The following AJAP1 variants were observed in gnomAD, a reference collection of about 807,000 sequenced individuals.
The protein encoded by AJAP1 is adherens junctions associated protein 1.
A neutral mutation model predicts 35.0 loss-of-function variants in AJAP1; 5 were observed. The ratio of observed to expected loss-of-function variants is 0.14; its 90% CI spans 0.07 to 0.30. AJAP1 has a LOEUF of 0.30. Among genes scored for constraint, AJAP1 ranks in the 10% least tolerant of loss-of-function variants. The pLI is 1.00. For missense variants in AJAP1, 586 were observed against 571.0 expected, an observed-to-expected ratio of 1.03 and a Z score of -0.27; for synonymous variants, 284 against 249.3, an observed-to-expected ratio of 1.14 and a Z score of -1.31.
intron 1 of AJAP1, among the ~76,000 whole-genome samples, chr1:4,669,452 A>G (rs1451701590): frequency 6.6e-6 from 1 of 152,222 alleles, no homozygotes; most frequent in Non-Finnish European, 1.5e-5. Context: ...GCACCTTCAC[A>G]GGGCGGCAGG....
chr1:4,748,856 A>G (rs1300166971), intron 2 of AJAP1, among the ~76,000 whole-genome samples: 1 of 152,122 alleles, frequency 6.6e-6, no homozygotes, highest in African/African-American at 2.4e-5. Flanking sequence ...AGGATGCAGC[A>G]AAAGGCACCA....
chr1:4,722,299 G>A (rs1640536131), intron 2 of AJAP1, among the ~76,000 whole-genome samples: 2 of 152,232 alleles, frequency 1.3e-5, no homozygotes, highest in Non-Finnish European at 1.5e-5. Context: ...CGCGGGGCAG[G>A]TGCAAGTTCA....
chr1:4,696,879 CTG>C (rs1383111753), intron 1 of AJAP1, among the ~76,000 whole-genome samples: 26 of 151,430 alleles, frequency 1.7e-4, no homozygotes, highest in Admixed American at 1.4e-3. Flanking sequence ...GTGTATGCAC[CTG>C]TGTTCCATGT....
In AJAP1 at chr1:4,666,343, A is replaced by G. The variant is rs1163593766; in HGVS notation, c.29+10889A>G. Among the ~76,000 whole-genome samples, 8 of 151,894 alleles carry G rather than the reference A, an allele frequency of 5.3e-5. No individual in the cohort carries two copies. The East Asian group carries it at 1.4e-3, about 26-fold the overall frequency. On this transcript the variant is annotated intron_variant, in intron 1 of 5. Coordinates refer to ENST00000378191, the MANE Select transcript of AJAP1 (RefSeq NM_018836.4). ...AGAGGAAGGTGTATGTTGCGGGGGG[A>G]ATGCTTGGAGGAGACTGGAAAGGCC...
At chr1:4,670,649 A>T (rs1436953456) in intron 1 of AJAP1, among the ~76,000 whole-genome samples, 3 of 151,806 alleles carry the variant, frequency 2.0e-5, no homozygotes, top group Non-Finnish European at 4.4e-5. Flanking sequence ...TGGTTTCCCC[A>T]CTCCAGTGCC....
At chr1:4,716,705 TAGAG>T (rs1015592285) in intron 2 of AJAP1, among the ~76,000 whole-genome samples, 12 of 151,228 alleles carry the variant, frequency 7.9e-5, no homozygotes, top group East Asian at 7.8e-4. Context: ...ATGGTGGTGA[TAGAG>T]AGATGATGAT....
intron 2 of AJAP1, among the ~76,000 whole-genome samples, chr1:4,738,295 A>C (rs1248021784): frequency 4.6e-5 from 7 of 152,216 alleles, no homozygotes; most frequent in African/African-American, 9.6e-5. Flanking sequence ...TCACTCAAAT[A>C]AATGCGTAAT....
chr1:4,714,783 C>T (rs577583600), intron 2 of AJAP1, among the ~76,000 whole-genome samples: 12 of 152,178 alleles, frequency 7.9e-5, no homozygotes, highest in African/African-American at 2.2e-4. Flanking sequence ...TTTACAGCAG[C>T]GCTCATCAGG....
intron 1 of AJAP1, among the ~76,000 whole-genome samples, chr1:4,677,658 GAA>G (rs1639391986): frequency 6.6e-6 from 1 of 152,002 alleles, no homozygotes; most frequent in African/African-American, 2.4e-5. Flanking sequence ...GTGTGCAGGA[GAA>G]ACTCTTAAAA....
Position 4,774,474 on chromosome 1 carries a change from A to T in AJAP1, c.1211A>T (p.Glu404Val). 1 of 1,614,116 alleles carries T rather than the reference A, an allele frequency of 6.2e-7. No homozygotes were observed. Among genetic ancestry groups the T allele is most frequent in the Non-Finnish European group, 8.5e-7 (1 of 1,180,014 alleles). ...RHLIPVAFVS[E>V]KWFEISC ...CTTATTCCTGTGGCCTTCGTGTCTG[A>T]GAAATGGTTTGAAATCTCCTGCTGA... The change falls in exon 5 of 6, where the codon GAG (glutamate) becomes GTG (valine). Residue 404 changes from glutamate to valine, a missense_variant. Transcript: ENST00000378191.
In AJAP1 at chr1:4,693,267, A is replaced by G. The variant is rs1639784572; in HGVS notation, c.30-18633A>G. ...GACACCAGGCCACTCAACTGAGGGG[A>G]GAAGCAGCCCGTGGTCAGGGGACGT... On this transcript the variant is annotated intron_variant, in intron 1 of 5. Coordinates refer to ENST00000378191, the MANE Select transcript of AJAP1 (RefSeq NM_018836.4). This position sits in a 1 kb window ranked among gnomAD's most constrained non-coding sequence, Gnocchi z 4.4. Among the ~76,000 whole-genome samples, 1 of 151,790 alleles carries G rather than the reference A, an allele frequency of 6.6e-6. No homozygotes were observed.
In AJAP1 at chr1:4,745,718, G is replaced by A. The variant is rs548292602; in HGVS notation, c.830-24135G>A. Among the ~76,000 whole-genome samples, 11 of 152,320 alleles carry A rather than the reference G, an allele frequency of 7.2e-5. No homozygotes were observed. The East Asian group carries it at 1.9e-3, about 27-fold the overall frequency. ...TGCATTTGGCTTTGAGTCAGAGTCA[G>A]CAGGTCACGTGGGGATGGTGGGTGG... On this transcript the variant is annotated intron_variant, in intron 2 of 5. Transcript: ENST00000378191.
intron 1 of AJAP1, among the ~76,000 whole-genome samples, chr1:4,707,162 C>T (rs749514049): frequency 4.6e-5 from 7 of 152,100 alleles, no homozygotes; most frequent in Non-Finnish European, 7.4e-5. Flanking sequence ...CTCTGGGGGC[C>T]GCTCTGCCTT....
intron 1 of AJAP1, among the ~76,000 whole-genome samples, chr1:4,677,647 G>A (rs1570101315): frequency 6.6e-6 from 1 of 152,070 alleles, no homozygotes; most frequent in East Asian, 1.9e-4. Flanking sequence ...ATAAAGCCAG[G>A]GTGTGCAGGA....
chr1:4,790,393 A>G lies in AJAP1; in HGVS notation c.*7908A>G, dbSNP rs1425428416. ...AGCCAGTCAACATGAATGGGACCCT[A>G]GAAACTGTGAGGAGCAGGATTCTCT... On this transcript the variant is annotated 3_prime_UTR_variant, in exon 6 of 6. Transcript: ENST00000378191. 6.6e-6 allele frequency: 1 copy of G among 152,192 alleles called. No homozygotes were observed. The highest frequency in any genetic ancestry group is 2.4e-5 in the African/African-American group (1 of 41,446). 9.4% of individuals were successfully genotyped at this position (152,192 alleles called of 1,614,324 possible).
rs1170418869 is a variant in AJAP1 at position 4,790,822 on chromosome 1, TCAAA to T, written c.*8340_*8343del. On this transcript the variant is annotated 3_prime_UTR_variant, in exon 6 of 6. Transcript: ENST00000378191. ...AAAGTCCACATCAGTTTCTGCTCCTTCAAACAGTGTGTCGATATGAAACATTGAG... is the reference window on the plus strand; with the variant it reads ...AAAGTCCACATCAGTTTCTGCTCCTTCAGTGTGTCGATATGAAACATTGAG... 3.9e-5 allele frequency: 6 copies of T among 152,340 alleles called. No individual in the cohort carries two copies. In the East Asian group the frequency reaches 9.7e-4, roughly 25 times the overall value. 9.4% of individuals were successfully genotyped at this position (152,340 alleles called of 1,614,324 possible).
rs1222469299 is a variant in AJAP1 at position 4,711,988 on chromosome 1, G to A, written c.118G>A (p.Ala40Thr). Residue 40 changes from alanine to threonine, a missense_variant, in exon 2 of 6, where the codon GCC becomes ACC. Physicochemically the swap from Ala to Thr is moderately conservative, Grantham distance 58. Coordinates refer to ENST00000378191, the MANE Select transcript of AJAP1 (RefSeq NM_018836.4). ...GTTTCAGCTCGCCGTGGACCTGCCC[G>A]CCTGTGAGGCCCTGGGCCCGGGGCC... ...AMFQLAVDLP[A>T]CEALGPGPEF... The A allele has an allele frequency of 5.7e-6, 9 of 1,592,532 alleles. No individual in the cohort carries two copies. Among genetic ancestry groups the A allele is most frequent in the South Asian group, 3.4e-5 (3 of 88,078 alleles).
intron 1 of AJAP1, among the ~76,000 whole-genome samples, chr1:4,699,975 G>T (rs149468674): frequency 6.6e-6 from 1 of 152,128 alleles, no homozygotes; most frequent in Non-Finnish European, 1.5e-5. Context: ...TCTGCGTGCC[G>T]TCCTCTTCAG....
At chr1:4,698,141 C>T (rs538155422) in intron 1 of AJAP1, among the ~76,000 whole-genome samples, 6 of 152,306 alleles carry the variant, frequency 3.9e-5, no homozygotes, top group Admixed American at 6.5e-5. Flanking sequence ...GTGATTTACA[C>T]GGATGATCTC....
Sources: allele counts gnomAD v4.1 joint callset (sites outside exome capture counted in the v4.1 genomes callset), GRCh38; gene constraint gnomAD v4.1.1; non-coding constraint Gnocchi (gnomAD v3.1); transcripts MANE v1.5; gene names NCBI Gene and HGNC (gene_info 2026-07-23, HGNC 2026-07-21).